The following IMMT variants were observed in gnomAD, a reference collection of about 807,000 sequenced individuals.
The protein encoded by IMMT is MICOS complex subunit MIC60.
A neutral mutation model predicts 92.7 loss-of-function variants in IMMT; 40 were observed. That is an observed-to-expected ratio of 0.43 (90% CI 0.34 to 0.56). The LOEUF (loss-of-function observed/expected upper bound fraction) is 0.56. Ranked by LOEUF, IMMT falls within the 20% of genes least tolerant of loss-of-function variation. IMMT has a pLI of 0.03. For missense variants in IMMT, 831 were observed against 912.1 expected, an observed-to-expected ratio of 0.91 and a Z score of 1.14; for synonymous variants, 322 against 336.1, an observed-to-expected ratio of 0.96 and a Z score of 0.46.
chr2:86,176,666 T>C (rs2105335289), intron 3 of IMMT, among the ~76,000 whole-genome samples: 1 of 152,318 alleles, frequency 6.6e-6, no homozygotes, highest in East Asian at 1.9e-4. Flanking sequence ...GGAGGTGGTT[T>C]AGTACAAACA....
Position 86,175,408 on chromosome 2 carries a change from T to C in IMMT, c.310-1647A>G, listed in dbSNP as rs374458132. Reference sequence around the variant, plus strand: ...TATATATATATGTATGTCATATATATTTGGTACTATCTTAATGTAATTTGG... The same window carrying C: ...TATATATATATGTATGTCATATATACTTGGTACTATCTTAATGTAATTTGG... On this transcript the variant is annotated intron_variant, in intron 3 of 14. Transcript: ENST00000410111. Among the ~76,000 whole-genome samples the C allele has an allele frequency of 2.6e-5, 4 of 152,226 alleles. No individual in the cohort carries two copies. In the East Asian group the frequency reaches 5.8e-4, roughly 22 times the overall value.
Position 86,192,838 on chromosome 2 carries a change from A to G in IMMT, c.45+2500T>C, listed in dbSNP as rs115524772. On this transcript the variant is annotated intron_variant, in intron 1 of 14. Transcript: ENST00000410111. ...GAGAAGAGTTCAGGGCAAAAGAAAC[A>G]CCTGATGAAAAGGCAGTGAGGCACA... is the stretch of plus-strand genomic sequence containing the variant. Among the ~76,000 whole-genome samples the G allele has an allele frequency of 7.6e-3, 1,157 of 152,136 alleles. 20 individuals carry two copies. Among genetic ancestry groups the G allele is most frequent in the African/African-American group, 0.026 (1,066 of 41,506 alleles).
At chr2:86,147,586 A>T in intron 13 of IMMT, 116 bp downstream of exon 13, 1 of 952,058 alleles carries the variant, frequency 1.1e-6, no homozygotes, top group Non-Finnish European at 1.5e-6. Context: ...GCAGTTTTGT[A>T]GACATACAAG....
At chr2:86,171,825 A>C (rs986031588) in intron 4 of IMMT, among the ~76,000 whole-genome samples, 1 of 150,820 alleles carries the variant, frequency 6.6e-6, no homozygotes, top group African/African-American at 2.4e-5. Context: ...ACAGTGATCA[A>C]GAACAGAACT....
Position 86,159,380 on chromosome 2 carries a change from C to T in IMMT, c.1032+156G>A, listed in dbSNP as rs115226426. 364 of 741,650 alleles carry T rather than the reference C, an allele frequency of 4.9e-4. 2 individuals carry two copies. The African/African-American group carries it at 5.7e-3, about 12-fold the overall frequency. 45.9% of individuals were successfully genotyped at this position (741,650 alleles called of 1,614,324 possible). A position where few individuals can be genotyped will look rare whatever the true frequency, so the allele number is the denominator to read the frequency against. ...GATTACAGGTGTGAACCACCACACCCAGCCAAGGCAAATTTTTTAAAACAG... is the reference window on the plus strand; with the variant it reads ...GATTACAGGTGTGAACCACCACACCTAGCCAAGGCAAATTTTTTAAAACAG... On this transcript the variant is annotated intron_variant, in intron 9 of 14. Coordinates refer to ENST00000410111, the MANE Select transcript of IMMT (RefSeq NM_006839.3).
At chr2:86,165,790 G>C (rs761950522) in intron 7 of IMMT, among the ~76,000 whole-genome samples, 4 of 152,126 alleles carry the variant, frequency 2.6e-5, no homozygotes, top group African/African-American at 4.8e-5. Context: ...AGGTGTTTCA[G>C]GGAACATGAG....
At chr2:86,162,214 G>GA in intron 7 of IMMT, 135 bp from the exon 8 acceptor site, 1 of 558,380 alleles carries the variant, frequency 1.8e-6, no homozygotes. Context: ...TCCAGAGTAA[G>GA]AACTCTTAAT....
At chr2:86,155,077 G>A (rs574005688) in intron 10 of IMMT, among the ~76,000 whole-genome samples, 7 of 152,100 alleles carry the variant, frequency 4.6e-5, no homozygotes, top group Non-Finnish European at 8.8e-5. Context: ...CGGCCAGGCC[G>A]GTCTTGAACG....
intron 8 of IMMT, 116 bp from the exon 9 acceptor site, chr2:86,159,787 G>T: frequency 1.2e-6 from 1 of 835,508 alleles, no homozygotes; most frequent in Non-Finnish European, 1.7e-6. Flanking sequence ...GGGAGCAGTG[G>T]CTGATACCTG....
chr2:86,152,500 C>G (rs1449372699), intron 11 of IMMT, among the ~76,000 whole-genome samples: 1 of 149,734 alleles, frequency 6.7e-6, no homozygotes, highest in Non-Finnish European at 1.5e-5. Flanking sequence ...GTAGCTGATG[C>G]CAATAATCCC....
At chr2:86,171,834 C>T (rs1217309016) in intron 4 of IMMT, among the ~76,000 whole-genome samples, 1 of 145,756 alleles carries the variant, frequency 6.9e-6, no homozygotes, top group Non-Finnish European at 1.5e-5. Flanking sequence ...AAGAACAGAA[C>T]TGAGTTAAAA....
rs768558533 is a variant in IMMT at position 86,195,353 on chromosome 2, C to G, written c.30G>C (p.Val10=). Residue 10 remains valine (V), a synonymous_variant, in exon 1 of 15, where the codon GTG becomes GTC. Coordinates refer to ENST00000410111, the MANE Select transcript of IMMT (RefSeq NM_006839.3). MLRACQLSG[V]TAAAQSCLCG... ...CAGTGCTCACCTGGGCGGCGGCGGT[C>G]ACACCCGATAACTGACAGGCCCGCA... The G allele has an allele frequency of 6.5e-7, 1 of 1,550,058 alleles. No individual in the cohort carries two copies. The highest frequency in any genetic ancestry group is 1.2e-5 in the South Asian group (1 of 83,780).
intron 1 of IMMT, 144 bp downstream of exon 1, chr2:86,195,194 C>G: frequency 1.2e-6 from 1 of 851,690 alleles, no homozygotes. Context: ...GGCTGCCTAG[C>G]TGCCCGCCCG....
intron 7 of IMMT, among the ~76,000 whole-genome samples, chr2:86,162,682 A>G (rs1391137331): frequency 6.6e-6 from 1 of 152,116 alleles, no homozygotes; most frequent in African/African-American, 2.4e-5. Flanking sequence ...CGTCTCTACT[A>G]AAAATACAAA....
rs541272566 is a variant in IMMT at position 86,162,528 on chromosome 2, G to A, written c.793-449C>T. Among the ~76,000 whole-genome samples, 4 of 151,428 alleles carry A rather than the reference G, an allele frequency of 2.6e-5. No individual in the cohort carries two copies. The East Asian group carries it at 5.8e-4, about 22-fold the overall frequency. On this transcript the variant is annotated intron_variant, in intron 7 of 14. Transcript: ENST00000410111. ...AAACCTCCCTTGAGGTGACTCTTAC[G>A]GTATGTGAAATGTGTATTAAAAAAA...
At position 86,159,656 on chromosome 2, in the gene IMMT, C is replaced by T. The variant is rs532966497; in HGVS notation, c.912G>A (p.Lys304=). The T allele has an allele frequency of 3.4e-5, 54 of 1,570,156 alleles. 1 individual carries two copies. In the South Asian group the frequency reaches 5.6e-4, roughly 16 times the overall value. The change falls in exon 9 of 15, where the codon AAG becomes AAA. Residue 304 remains lysine, a synonymous_variant. Coordinates refer to ENST00000410111, the MANE Select transcript of IMMT (RefSeq NM_006839.3). ...TTGCATTTTCAATCACACTTTTCAT[C>T]TTCTCTAACTCTTCTCTGGAAACCA... The part of the protein sequence containing the change: ...ALLKAKEELE[K]MKSVIENAKK...
intron 1 of IMMT, 23 bp from the exon 2 acceptor site, chr2:86,181,395 A>T (rs778948040): frequency 6.4e-7 from 1 of 1,563,968 alleles, no homozygotes; most frequent in Non-Finnish European, 8.8e-7. Context: ...AACACATCAC[A>T]ACCAATACAG....
intron 4 of IMMT, among the ~76,000 whole-genome samples, chr2:86,171,825 A>T (rs986031588): frequency 3.3e-5 from 5 of 150,820 alleles, no homozygotes; most frequent in African/African-American, 1.2e-4. Context: ...ACAGTGATCA[A>T]GAACAGAACT....
intron 13 of IMMT, 82 bp downstream of exon 13, chr2:86,147,620 C>T: frequency 1.4e-6 from 2 of 1,398,754 alleles, no homozygotes; most frequent in Non-Finnish European, 1.9e-6. Flanking sequence ...CTTCGACATC[C>T]TCAGAGTACA....
Sources: allele counts gnomAD v4.1 joint callset (sites outside exome capture counted in the v4.1 genomes callset), GRCh38; gene constraint gnomAD v4.1.1; transcripts MANE v1.5; gene names NCBI Gene and HGNC (gene_info 2026-07-23, HGNC 2026-07-21).